Variants in NRG3 observed in about 807,000 individuals in gnomAD.
NRG3 encodes the protein neuregulin 3, also known as pro-neuregulin-3, membrane-bound isoform.
Under a neutral mutation model 66.9 loss-of-function variants are expected in NRG3, and 31 were observed. The observed-to-expected ratio is 0.46, with a 90% CI of 0.35 to 0.63. NRG3 has a LOEUF of 0.63. Ranked by LOEUF, NRG3 falls within the 20% of genes least tolerant of loss-of-function variation. NRG3 has a pLI of 0.00. For synonymous variants in NRG3, 393 were observed against 359.4 expected (o/e 1.09, Z -1.06); for missense variants, 910 against 878.9 (o/e 1.04, Z -0.45).
intron 1 of NRG3, among the ~76,000 whole-genome samples, chr10:82,286,516 C>A (rs1256172578): frequency 1.3e-5 from 2 of 152,146 alleles, no homozygotes; most frequent in East Asian, 3.9e-4. Context: ...TCTCATATTC[C>A]TAACATGGGT....
chr10:82,491,753 C>G (rs1214181106), intron 2 of NRG3, among the ~76,000 whole-genome samples: 1 of 152,096 alleles, frequency 6.6e-6, no homozygotes, highest in Non-Finnish European at 1.5e-5. Context: ...GTGATCAACT[C>G]CAGGCAAGAC....
chr10:82,254,060 T>C (rs1278794934), intron 1 of NRG3, among the ~76,000 whole-genome samples: 3 of 152,206 alleles, frequency 2.0e-5, no homozygotes, highest in African/African-American at 7.2e-5. Context: ...CCCCTGTCTG[T>C]TGTGAGTCAC....
At chr10:82,868,001 G>A (rs1029205234) in intron 4 of NRG3, among the ~76,000 whole-genome samples, 3 of 152,182 alleles carry the variant, frequency 2.0e-5, no homozygotes, top group Non-Finnish European at 4.4e-5. Flanking sequence ...GGTGATTGCA[G>A]GCTCAGTGAG....
intron 3 of NRG3, among the ~76,000 whole-genome samples, chr10:82,784,965 A>T (rs1471518035): frequency 3.9e-5 from 6 of 152,190 alleles, no homozygotes; most frequent in Non-Finnish European, 2.9e-5. Context: ...CAAATGTCCG[A>T]CAATGGTAGA....
chr10:82,658,206 A>G (rs955065754), intron 2 of NRG3, among the ~76,000 whole-genome samples: 1 of 152,216 alleles, frequency 6.6e-6, no homozygotes, highest in Non-Finnish European at 1.5e-5. Context: ...TTGCATCATA[A>G]TCAAACAAGT....
At chr10:82,835,217 C>A (rs967895773) in intron 3 of NRG3, among the ~76,000 whole-genome samples, 5 of 152,098 alleles carry the variant, frequency 3.3e-5, no homozygotes, top group Admixed American at 6.5e-5. Flanking sequence ...CAGCAAACAC[C>A]TCTCAATCCC....
intron 2 of NRG3, among the ~76,000 whole-genome samples, chr10:82,477,332 A>AG (rs1305907070): frequency 1.3e-5 from 2 of 152,206 alleles, no homozygotes; most frequent in Non-Finnish European, 2.9e-5. Context: ...CAACGCAGTG[A>AG]GATGAGAAAT....
intron 1 of NRG3, among the ~76,000 whole-genome samples, chr10:81,972,994 G>A (rs184817026): frequency 1.0e-3 from 156 of 152,158 alleles, no homozygotes; most frequent in East Asian, 8.5e-3. Flanking sequence ...ATGGGGCTTC[G>A]TTTTACAGAT....
At chr10:82,838,871 A>G (rs891544911) in intron 3 of NRG3, among the ~76,000 whole-genome samples, 4 of 152,134 alleles carry the variant, frequency 2.6e-5, no homozygotes, top group Non-Finnish European at 1.5e-5. Flanking sequence ...TAATGGACTC[A>G]CAGTTCCACA....
rs555323376 is a variant in NRG3, at chr10:82,780,047, G to A, written c.1027+41397G>A. Reference sequence around the variant, plus strand: ...TCATCCATGTTCCTGCAAAGGACATGAACTCATCCTTTCTTATGGCTGCAT... The same window carrying A: ...TCATCCATGTTCCTGCAAAGGACATAAACTCATCCTTTCTTATGGCTGCAT... On this transcript the variant is annotated intron_variant, in intron 3 of 8. Coordinates refer to ENST00000372141, the MANE Select transcript of NRG3 (RefSeq NM_001010848.4). Among the ~76,000 whole-genome samples, 7 of 152,268 alleles carry A rather than the reference G, an allele frequency of 4.6e-5. No homozygotes were observed. In the South Asian group the frequency reaches 1.0e-3, roughly 23 times the overall value.
At chr10:82,097,938 C>T (rs971595682) in intron 1 of NRG3, among the ~76,000 whole-genome samples, 3 of 151,762 alleles carry the variant, frequency 2.0e-5, no homozygotes, top group Admixed American at 6.6e-5. Context: ...CACTTTTAAT[C>T]GGGTCATTTG....
chr10:82,700,667 A>G (rs1270250509), intron 2 of NRG3, among the ~76,000 whole-genome samples: 1 of 152,082 alleles, frequency 6.6e-6, no homozygotes, highest in Non-Finnish European at 1.5e-5. Flanking sequence ...TTTTGTCATA[A>G]AAGTTTCTTT....
intron 1 of NRG3, among the ~76,000 whole-genome samples, chr10:82,230,657 T>G (rs111423606): frequency 6.6e-6 from 1 of 152,178 alleles, no homozygotes; most frequent in African/African-American, 2.4e-5. Context: ...TTAAATATGT[T>G]GAAAATATTA....
intron 2 of NRG3, among the ~76,000 whole-genome samples, chr10:82,488,998 A>G (rs1373356369): frequency 6.6e-6 from 1 of 152,206 alleles, no homozygotes. Flanking sequence ...AATAATAAAC[A>G]TGACTACTAT....
chr10:82,352,875 T>G (rs77998327), intron 1 of NRG3, among the ~76,000 whole-genome samples: 2,125 of 144,586 alleles, frequency 0.015, 47 homozygotes, highest in African/African-American at 0.054. Context: ...AGTGACTGAT[T>G]GCTATGTGGT....
intron 1 of NRG3, among the ~76,000 whole-genome samples, chr10:82,113,082 G>T (rs2067487109): frequency 6.6e-6 from 1 of 152,140 alleles, no homozygotes; most frequent in Non-Finnish European, 1.5e-5. Context: ...GAAGACAGTT[G>T]GAGGAACTTG....
intron 2 of NRG3, among the ~76,000 whole-genome samples, chr10:82,731,965 A>G (rs928126395): frequency 6.6e-6 from 1 of 152,184 alleles, no homozygotes; most frequent in Non-Finnish European, 1.5e-5. Context: ...ACAATGTACT[A>G]TATACCTAAA....
chr10:82,137,040 G>GT lies in NRG3; in HGVS notation c.824-221693dup, dbSNP rs532120687. ...GTACTGTGATTACTCACCTGATTTT[G>GT]TTTTTTCTGGAGGTGCTTTCTTGTG... On this transcript the variant is annotated intron_variant, in intron 1 of 8. Transcript: ENST00000372141. 2.9e-3 allele frequency among the ~76,000 whole-genome samples: 444 copies of GT among 152,238 alleles called. 2 individuals are homozygous for GT. The highest frequency in any genetic ancestry group is 0.01 in the African/African-American group (425 of 41,570).
chr10:82,431,794 T>C (rs1486170345), intron 2 of NRG3, among the ~76,000 whole-genome samples: 1 of 152,196 alleles, frequency 6.6e-6, no homozygotes, highest in African/African-American at 2.4e-5. Context: ...ATCTTCTTGC[T>C]CAAAATCTGC....
Sources: allele counts gnomAD v4.1 joint callset (sites outside exome capture counted in the v4.1 genomes callset), GRCh38; gene constraint gnomAD v4.1.1; transcripts MANE v1.5; gene names NCBI Gene and HGNC (gene_info 2026-07-23, HGNC 2026-07-21).